The following PDE1A variants were observed in gnomAD, a reference collection of about 807,000 sequenced individuals.
PDE1A encodes the protein dual specificity calcium/calmodulin-dependent 3',5'-cyclic nucleotide phosphodiesterase 1A.
In PDE1A, 35 loss-of-function variants were observed where a neutral mutation model predicts 61.7. The ratio of observed to expected loss-of-function variants is 0.57; its 90% confidence interval spans 0.43 to 0.75. The LOEUF (loss-of-function observed/expected upper bound fraction) is 0.75, where lower values mean the gene tolerates loss of function less well. Ranked by LOEUF, PDE1A falls within the 30% of genes least tolerant of loss-of-function variation. PDE1A has a pLI of 0.00. For synonymous variants in PDE1A, 232 were observed against 213.2 expected (o/e 1.09, Z -0.77); for missense variants, 597 against 630.6 (o/e 0.95, Z 0.57).
At chr2:182,568,416 C>G in the PDE1A span, among the ~76,000 whole-genome samples, 2 of 152,166 alleles carry the variant, frequency 1.3e-5, no homozygotes, top group African/African-American at 4.8e-5. Context: ...CGGTGGCTCA[C>G]GCCTGTAATC....
chr2:182,714,230 G>C, the PDE1A span, among the ~76,000 whole-genome samples: 1 of 152,320 alleles, frequency 6.6e-6, no homozygotes, highest in Admixed American at 6.5e-5. Context: ...ATGAAGCTTA[G>C]ATTCTTTTTC....
intron 1 of PDE1A, among the ~76,000 whole-genome samples, chr2:182,398,108 G>C (rs1701809154): frequency 6.7e-6 from 1 of 149,992 alleles, no homozygotes. Flanking sequence ...ATGACAAAAA[G>C]AGAGAAAATG....
At chr2:182,610,449 G>A in the PDE1A span, among the ~76,000 whole-genome samples, 13 of 152,122 alleles carry the variant, frequency 8.5e-5, no homozygotes, top group Non-Finnish European at 1.5e-4. Flanking sequence ...CTCTGCGGTT[G>A]AGGCAATCCC....
At chr2:182,361,752 T>C (rs1411306750) in intron 1 of PDE1A, among the ~76,000 whole-genome samples, 2 of 152,058 alleles carry the variant, frequency 1.3e-5, no homozygotes, top group African/African-American at 4.8e-5. Flanking sequence ...GTTTAAGAGC[T>C]ACATCACACT....
the PDE1A span, among the ~76,000 whole-genome samples, chr2:182,541,360 A>G: frequency 6.6e-6 from 1 of 152,202 alleles, no homozygotes; most frequent in Non-Finnish European, 1.5e-5. Flanking sequence ...ATAAATAAAA[A>G]GCCAACAGAG....
chr2:182,441,430 G>A (rs151031048), intron 2 of PDE1A, among the ~76,000 whole-genome samples: 398 of 152,164 alleles, frequency 2.6e-3, no homozygotes, highest in Non-Finnish European at 4.5e-3. Context: ...CATGATTGGA[G>A]ACGGAATTTC....
the PDE1A span, among the ~76,000 whole-genome samples, chr2:182,669,068 G>C: frequency 6.6e-5 from 10 of 152,206 alleles, no homozygotes; most frequent in African/African-American, 2.2e-4. Flanking sequence ...GCCTTTGATA[G>C]AGGAGAGAAA....
the PDE1A span, among the ~76,000 whole-genome samples, chr2:182,674,494 A>G: frequency 6.6e-6 from 1 of 152,104 alleles, no homozygotes; most frequent in Non-Finnish European, 1.5e-5. Context: ...CATCCCTACC[A>G]ATATGAAATC....
chr2:182,540,307 T>G, the PDE1A span, among the ~76,000 whole-genome samples: 2 of 141,098 alleles, frequency 1.4e-5, no homozygotes, highest in African/African-American at 5.4e-5. Context: ...GAGGGTGCAA[T>G]GAGCTGAGAC....
the PDE1A span, among the ~76,000 whole-genome samples, chr2:182,574,803 G>A: frequency 6.6e-6 from 1 of 152,102 alleles, no homozygotes; most frequent in African/African-American, 2.4e-5. Context: ...TGATTCTCCT[G>A]CCTCAGCCTC....
chr2:182,630,551 T>C, the PDE1A span, among the ~76,000 whole-genome samples: 247 of 39,394 alleles, frequency 6.3e-3, no homozygotes, highest in Middle Eastern at 0.021. Flanking sequence ...TTAATCCTCT[T>C]TTTTAAAAAA....
the PDE1A span, among the ~76,000 whole-genome samples, chr2:182,605,248 C>T: frequency 6.6e-6 from 1 of 152,110 alleles, no homozygotes; most frequent in African/African-American, 2.4e-5. Flanking sequence ...TGGTACTACC[C>T]ATCAGGGCTG....
At chr2:182,229,889 A>G (rs1689436652) in intron 6 of PDE1A, 117 bp downstream of exon 6, 1 of 625,614 alleles carries the variant, frequency 1.6e-6, no homozygotes, top group South Asian at 4.1e-5. Flanking sequence ...ATTATTCTTT[A>G]TAATACTTAT....
intron 1 of PDE1A, among the ~76,000 whole-genome samples, chr2:182,373,889 G>T (rs1340013247): frequency 2.6e-5 from 4 of 152,164 alleles, no homozygotes; most frequent in East Asian, 3.9e-4. Flanking sequence ...ATTTTCACAT[G>T]ATGACTTCAT....
chr2:182,514,803 C>T (rs540197123), intron 2 of PDE1A, among the ~76,000 whole-genome samples: 2 of 152,224 alleles, frequency 1.3e-5, no homozygotes, highest in South Asian at 4.1e-4. Flanking sequence ...GCAACAAAAA[C>T]ACAAATAGAC....
At chr2:182,633,904 C>T in the PDE1A span, among the ~76,000 whole-genome samples, 2 of 151,852 alleles carry the variant, frequency 1.3e-5, no homozygotes, top group Non-Finnish European at 2.9e-5. Flanking sequence ...GCCAACATGG[C>T]GAAACCCTGC....
At chr2:182,355,931 G>A (rs866784575) in intron 1 of PDE1A, among the ~76,000 whole-genome samples, 6 of 152,056 alleles carry the variant, frequency 3.9e-5, no homozygotes, top group African/African-American at 9.7e-5. Context: ...GAGAAACTAC[G>A]TTTGCTTATA....
intron 2 of PDE1A, among the ~76,000 whole-genome samples, chr2:182,507,641 A>G (rs113046131): frequency 0.064 from 9,779 of 152,072 alleles, 390 homozygotes; most frequent in Middle Eastern, 0.13. Flanking sequence ...GATACAGGAA[A>G]TCATGAATAA....
intron 1 of PDE1A, among the ~76,000 whole-genome samples, chr2:182,339,264 C>A (rs1222491492): frequency 6.6e-6 from 1 of 152,082 alleles, no homozygotes; most frequent in Non-Finnish European, 1.5e-5. Flanking sequence ...CTCAAAGGTG[C>A]ATTTTTTTTA....
Sources: allele counts gnomAD v4.1 joint callset (sites outside exome capture counted in the v4.1 genomes callset), GRCh38; gene constraint gnomAD v4.1.1; transcripts MANE v1.5; gene names NCBI Gene and HGNC (gene_info 2026-07-23, HGNC 2026-07-21).